CNRIP1: variants seen among roughly 807,000 people sequenced by gnomAD.
CNRIP1 encodes the protein cannabinoid receptor interacting protein 1.
In CNRIP1, 10 loss-of-function variants were observed where a neutral mutation model predicts 15.2. The observed-to-expected ratio is 0.66, with a 90% CI of 0.41 to 1.12. CNRIP1 has a LOEUF of 1.12. CNRIP1 is among the 50% of genes most tolerant of loss of function. The pLI is 0.00. For missense variants in CNRIP1, 211 were observed against 214.7 expected, an observed-to-expected ratio of 0.98 and a Z score of 0.11; for synonymous variants, 91 against 83.2, an observed-to-expected ratio of 1.09 and a Z score of -0.51.
intron 1 of CNRIP1, 106 bp downstream of exon 1, chr2:68,319,116 G>A: frequency 8.3e-7 from 1 of 1,199,224 alleles, no homozygotes; most frequent in South Asian, 1.8e-5. Context: ...CGCTGGGAGC[G>A]GCGCGAGGCC....
intron 2 of CNRIP1, among the ~76,000 whole-genome samples, chr2:68,296,534 C>CA (rs914824628): frequency 2.0e-4 from 29 of 144,248 alleles, no homozygotes; most frequent in African/African-American, 3.6e-4. Context: ...GACCCTGTCT[C>CA]AAAAAAAAAA....
intron 2 of CNRIP1, among the ~76,000 whole-genome samples, chr2:68,305,268 A>ATGTGTGTG (rs1478276359): frequency 2.3e-4 from 24 of 103,600 alleles, no homozygotes; most frequent in African/African-American, 8.2e-4. Context: ...AAATATATAT[A>ATGTGTGTG]TATATATGTG....
At chr2:68,284,492 T>A in intron 2 of CNRIP1, 1 of 1,531,536 alleles carries the variant, frequency 6.5e-7, no homozygotes, top group Non-Finnish European at 8.8e-7. Flanking sequence ...CTCCTGAAAA[T>A]AAATAGATAC....
intron 2 of CNRIP1, among the ~76,000 whole-genome samples, chr2:68,296,675 C>T (rs556512894): frequency 1.9e-4 from 29 of 152,140 alleles, no homozygotes; most frequent in African/African-American, 6.7e-4. Context: ...CTAGCTCTGT[C>T]GCCCAAGGTT....
chr2:68,313,858 T>C (rs902848473), intron 2 of CNRIP1, among the ~76,000 whole-genome samples: 1 of 152,130 alleles, frequency 6.6e-6, no homozygotes, highest in African/African-American at 2.4e-5. Flanking sequence ...AGGTTCTATA[T>C]CATCCAACCC....
chr2:68,302,005 A>C (rs1289049687), intron 2 of CNRIP1, among the ~76,000 whole-genome samples: 1 of 152,004 alleles, frequency 6.6e-6, no homozygotes, highest in Non-Finnish European at 1.5e-5. Flanking sequence ...TTCATATTTC[A>C]TAAAGAAATA....
chr2:68,285,811 C>T (rs574483603), intron 2 of CNRIP1, among the ~76,000 whole-genome samples: 2 of 152,276 alleles, frequency 1.3e-5, no homozygotes, highest in South Asian at 4.2e-4. Flanking sequence ...ATTCATTCAA[C>T]CACTGCCGCT....
rs530744880 is a variant in CNRIP1, at chr2:68,315,154, CA to C, written c.330+2002del. ...CGATTTTAAATTTATAAAGATTTTT[CA>C]AAAAATCAATAAGATACACTTAAGC... On this transcript the variant is annotated intron_variant, in intron 2 of 2. Coordinates refer to ENST00000263655, the MANE Select transcript of CNRIP1 (RefSeq NM_015463.3). 1.1e-4 allele frequency among the ~76,000 whole-genome samples: 17 copies of C among 151,884 alleles called. No individual in the cohort carries two copies. In the South Asian group the frequency reaches 3.3e-3, roughly 30 times the overall value.
chr2:68,284,553 C>T lies in CNRIP1; in HGVS notation c.331-69G>A, dbSNP rs114519115. ...TTGGGTAGGTGCAGTGACTCACGCC[C>T]GTAATCCCAGCACTTTGGGAGGCCA... is the stretch of plus-strand genomic sequence containing the variant. On this transcript the variant is annotated intron_variant, in intron 2 of 2. Transcript: ENST00000409559. The T allele has an allele frequency of 3.8e-3, 3,891 of 1,036,690 alleles. 95 individuals carry two copies. The African/African-American group carries it at 0.052, about 14-fold the overall frequency. The allele number at this position is 1,036,690 out of a possible 1,614,324, so 64.2% of individuals were successfully genotyped here.
At chr2:68,285,668 A>AAAAAAAAAAAG (rs539747999) in intron 2 of CNRIP1, among the ~76,000 whole-genome samples, 13 of 124,428 alleles carry the variant, frequency 1.0e-4, no homozygotes, top group East Asian at 2.2e-4. Context: ...AAAAAAAAAA[A>AAAAAAAAAAAG]AAAAGAAAAG....
At position 68,293,431 on chromosome 2, in the gene CNRIP1, A is replaced by G. The variant is rs1671232616; in HGVS notation, c.*431T>C. ...AACACTGCAAGTTACATGTTACCAT[A>G]TTACACATGGGAGGACCCATACACA... On this transcript the variant is annotated 3_prime_UTR_variant, in exon 3 of 3. Transcript: ENST00000263655. 1 of 987,530 alleles carries G rather than the reference A, an allele frequency of 1.0e-6. No homozygotes were observed. The highest frequency in any genetic ancestry group is 1.7e-5 in the African/African-American group (1 of 57,352). The allele number at this position is 987,530 out of a possible 1,614,324, so 61.2% of individuals were successfully genotyped here.
intron 2 of CNRIP1, among the ~76,000 whole-genome samples, chr2:68,314,524 T>C (rs1029514195): frequency 3.3e-5 from 5 of 151,674 alleles, no homozygotes; most frequent in African/African-American, 1.2e-4. Context: ...CATTAGACAA[T>C]GCAATATGAC....
chr2:68,311,985 A>G (rs1672094602), intron 2 of CNRIP1, among the ~76,000 whole-genome samples: 1 of 152,162 alleles, frequency 6.6e-6, no homozygotes, highest in Non-Finnish European at 1.5e-5. Flanking sequence ...TATTAACGAA[A>G]TTGAATTTGT....
Position 68,317,414 on chromosome 2 carries a change from G to A in CNRIP1, c.180-107C>T, listed in dbSNP as rs543699017. The A allele has an allele frequency of 8.4e-6, 10 of 1,195,094 alleles. No individual in the cohort carries two copies. In the African/African-American group the frequency reaches 1.4e-4, roughly 16 times the overall value. 74.0% of individuals were successfully genotyped at this position (1,195,094 alleles called of 1,614,324 possible). Reference sequence around the variant, plus strand: ...GAAACTTACAGGGTTTCACTAAGGGGGGCATTGTGGTGCGGGAGAAAGTTC... The same window carrying A: ...GAAACTTACAGGGTTTCACTAAGGGAGGCATTGTGGTGCGGGAGAAAGTTC... On this transcript the variant is annotated intron_variant, in intron 1 of 2. Coordinates refer to ENST00000263655, the MANE Select transcript of CNRIP1 (RefSeq NM_015463.3).
intron 2 of CNRIP1, among the ~76,000 whole-genome samples, chr2:68,311,580 C>T (rs1219736249): frequency 6.6e-6 from 1 of 151,804 alleles, no homozygotes; most frequent in African/African-American, 2.4e-5. Flanking sequence ...TCGAGACCAG[C>T]CTGGCCAACA....
At chr2:68,319,071 G>T in intron 1 of CNRIP1, 151 bp downstream of exon 1, 1 of 680,952 alleles carries the variant, frequency 1.5e-6, no homozygotes, top group Non-Finnish European at 2.3e-6. Context: ...GACGAAGGCG[G>T]ACAGGGAGTG....
intron 2 of CNRIP1, among the ~76,000 whole-genome samples, chr2:68,286,607 T>G (rs1335556860): frequency 6.6e-6 from 1 of 152,196 alleles, no homozygotes; most frequent in Non-Finnish European, 1.5e-5. Flanking sequence ...GTCAAATAAT[T>G]TGGACATTTC....
At chr2:68,306,297 C>T (rs968967862) in intron 2 of CNRIP1, among the ~76,000 whole-genome samples, 1 of 145,378 alleles carries the variant, frequency 6.9e-6, no homozygotes, top group Non-Finnish European at 1.5e-5. Flanking sequence ...GAGATAACAG[C>T]CTGGTAATAG....
At chr2:68,297,841 A>G (rs1671437442) in intron 2 of CNRIP1, among the ~76,000 whole-genome samples, 1 of 152,186 alleles carries the variant, frequency 6.6e-6, no homozygotes, top group South Asian at 2.1e-4. Context: ...ACAATGTTTA[A>G]AGGAAGATGA....
Sources: allele counts gnomAD v4.1 joint callset (sites outside exome capture counted in the v4.1 genomes callset), GRCh38; gene constraint gnomAD v4.1.1; transcripts MANE v1.5; gene names NCBI Gene and HGNC (gene_info 2026-07-23, HGNC 2026-07-21).